FOCAD: variants seen among roughly 807,000 people sequenced by gnomAD.
The protein encoded by FOCAD is focadhesin.
In FOCAD, 198 loss-of-function variants were observed where a neutral mutation model predicts 225.6. The ratio of observed to expected loss-of-function variants is 0.88; its 90% confidence interval spans 0.78 to 0.99. FOCAD has a LOEUF of 0.99. FOCAD is among the 50% of genes least tolerant of loss of function. FOCAD has a pLI of 0.00. For missense variants in FOCAD, 2,713 were observed against 2,123.6 expected, an observed-to-expected ratio of 1.28 and a Z score of -5.46; for synonymous variants, 897 against 755.0, an observed-to-expected ratio of 1.19 and a Z score of -3.08.
chr9:20,660,167 A>G (rs1821670607), intron 2 of FOCAD, among the ~76,000 whole-genome samples: 1 of 152,216 alleles, frequency 6.6e-6, no homozygotes, highest in Admixed American at 6.5e-5. Flanking sequence ...GAGGCTACAG[A>G]CAATAACTTG....
Position 20,661,371 on chromosome 9 carries a change from T to G in FOCAD, c.-78+2545T>G, listed in dbSNP as rs914219899. ...TCTGTAGGAGGAAGAGTAGACAACA[T>G]GTATTATAAGATTGTCTCAAGACTG... On this transcript the variant is annotated intron_variant, in intron 2 of 45. Coordinates refer to the FOCAD transcript ENST00000380249. Among the ~76,000 whole-genome samples, 3 of 152,104 alleles carry G rather than the reference T, an allele frequency of 2.0e-5. No homozygotes were observed. The South Asian group carries it at 6.2e-4, about 31-fold the overall frequency.
At chr9:20,953,205 T>C (rs990167927) in intron 35 of FOCAD, 140 bp downstream of exon 35, 1 of 639,080 alleles carries the variant, frequency 1.6e-6, no homozygotes, top group South Asian at 2.0e-5. Context: ...AAACCATCTT[T>C]GCAATAGAGA....
intron 24 of FOCAD, among the ~76,000 whole-genome samples, 193 bp downstream of exon 24, chr9:20,917,130 A>G (rs985581530): frequency 1.9e-4 from 29 of 152,090 alleles, no homozygotes; most frequent in Non-Finnish European, 7.4e-5. Flanking sequence ...TTGTGAAAAT[A>G]CAGAAGGATT....
intron 24 of FOCAD, among the ~76,000 whole-genome samples, chr9:20,921,817 C>A (rs1380277713): frequency 6.6e-6 from 1 of 151,946 alleles, no homozygotes; most frequent in African/African-American, 2.4e-5. Context: ...GTTTTAAAAC[C>A]GAGGCTAATT....
At chr9:20,891,230 C>T (rs1237369028) in intron 21 of FOCAD, among the ~76,000 whole-genome samples, 3 of 152,118 alleles carry the variant, frequency 2.0e-5, no homozygotes, top group Non-Finnish European at 2.9e-5. Flanking sequence ...AATTGGGCCT[C>T]CCTATTCTCT....
At chr9:20,914,386 AG>A (rs1180063322) in intron 23 of FOCAD, among the ~76,000 whole-genome samples, 1 of 152,196 alleles carries the variant, frequency 6.6e-6, no homozygotes, top group Non-Finnish European at 1.5e-5. Flanking sequence ...ATATGATAGA[AG>A]TTGATTCATG....
chr9:20,816,122 C>T (rs1340033406), intron 11 of FOCAD, among the ~76,000 whole-genome samples: 1 of 151,900 alleles, frequency 6.6e-6, no homozygotes, highest in African/African-American at 2.4e-5. Flanking sequence ...TTTTTTAGGG[C>T]CAAGTCTCAT....
chr9:20,805,088 G>A (rs982362403), intron 11 of FOCAD, among the ~76,000 whole-genome samples: 3 of 152,124 alleles, frequency 2.0e-5, no homozygotes, highest in African/African-American at 7.2e-5. Flanking sequence ...CCAGACACCA[G>A]GGTGGTTGTG....
chr9:20,858,728 TGG>T (rs1181698778), intron 15 of FOCAD, among the ~76,000 whole-genome samples: 2 of 152,146 alleles, frequency 1.3e-5, no homozygotes, highest in Admixed American at 1.3e-4. Context: ...AGCACTTTAT[TGG>T]TATCAACTTT....
chr9:20,703,366 A>G (rs190277407), intron 1 of FOCAD, among the ~76,000 whole-genome samples: 24 of 152,260 alleles, frequency 1.6e-4, no homozygotes, highest in African/African-American at 4.6e-4. Context: ...CTGAAGGCCA[A>G]TGTGGCTGAA....
intron 11 of FOCAD, among the ~76,000 whole-genome samples, chr9:20,801,811 G>T (rs551164251): frequency 3.2e-4 from 48 of 152,262 alleles, no homozygotes; most frequent in African/African-American, 1.1e-3. Flanking sequence ...CTACGTGATA[G>T]CTGTAATTGA....
chr9:20,949,190 G>A (rs555249239), intron 32 of FOCAD, among the ~76,000 whole-genome samples: 1 of 152,258 alleles, frequency 6.6e-6, no homozygotes, highest in South Asian at 2.1e-4. Context: ...TTCCCTGCCT[G>A]AGAAAAGATG....
At chr9:20,732,164 C>T (rs1183424075) in intron 4 of FOCAD, among the ~76,000 whole-genome samples, 8 of 152,102 alleles carry the variant, frequency 5.3e-5, no homozygotes, top group Admixed American at 5.2e-4. Context: ...GTGAGGAATG[C>T]AGACGTAGTT....
chr9:20,961,898 C>T (rs1015123571), intron 35 of FOCAD, among the ~76,000 whole-genome samples: 4 of 152,110 alleles, frequency 2.6e-5, no homozygotes, highest in Non-Finnish European at 4.4e-5. Flanking sequence ...TTGAAATATT[C>T]GGTCTTAACA....
At chr9:20,899,423 G>C (rs1832379819) in intron 21 of FOCAD, among the ~76,000 whole-genome samples, 2 of 151,932 alleles carry the variant, frequency 1.3e-5, no homozygotes, top group Non-Finnish European at 2.9e-5. Flanking sequence ...GTGAGTTTCT[G>C]CTTTGATAAG....
At chr9:20,691,255 T>G (rs973717505) in intron 1 of FOCAD, among the ~76,000 whole-genome samples, 4 of 152,064 alleles carry the variant, frequency 2.6e-5, no homozygotes, top group African/African-American at 9.7e-5. Flanking sequence ...TCTCTGCTTC[T>G]TAAAGCACTT....
chr9:20,734,345 A>C (rs1396310662), intron 4 of FOCAD, among the ~76,000 whole-genome samples: 2 of 152,240 alleles, frequency 1.3e-5, no homozygotes, highest in African/African-American at 4.8e-5. Flanking sequence ...TTAGGAACCA[A>C]CTAACCCCAG....
chr9:20,668,942 CT>C (rs1587184075), intron 2 of FOCAD, among the ~76,000 whole-genome samples: 1 of 151,970 alleles, frequency 6.6e-6, no homozygotes, highest in East Asian at 1.9e-4. Context: ...CACGGTTAGC[CT>C]CCCCACCCAT....
chr9:20,739,218 A>G (rs934955309), intron 4 of FOCAD, among the ~76,000 whole-genome samples: 4 of 152,364 alleles, frequency 2.6e-5, no homozygotes, highest in Admixed American at 1.3e-4. Flanking sequence ...CTAATCAACT[A>G]TGTTCTGAAG....
Sources: gnomAD v4.1 joint callset for allele counts (sites outside exome capture counted in the v4.1 genomes callset) on GRCh38, gnomAD v4.1.1 for gene constraint, MANE v1.5 for transcripts, NCBI Gene and HGNC (gene_info 2026-07-23, HGNC 2026-07-21) for gene names.